PTPRD: variants seen among roughly 807,000 people sequenced by gnomAD.
PTPRD encodes the protein protein tyrosine phosphatase receptor type D, also known as receptor-type tyrosine-protein phosphatase delta.
Under a neutral mutation model 214.5 loss-of-function variants are expected in PTPRD, and 34 were observed. That is an observed-to-expected ratio of 0.16 (90% CI 0.12 to 0.21). The LOEUF (loss-of-function observed/expected upper bound fraction) is 0.21, where lower values mean the gene tolerates loss of function less well. Ranked by LOEUF, PTPRD falls within the 10% of genes least tolerant of loss-of-function variation. PTPRD has a pLI of 1.00. For missense variants in PTPRD, 2,545 were observed against 2,398.7 expected, an observed-to-expected ratio of 1.06 and a Z score of -1.27; for synonymous variants, 1,128 against 845.7, an observed-to-expected ratio of 1.33 and a Z score of -5.79.
At chr9:9,133,241 T>C (rs373109257) in intron 10 of PTPRD, among the ~76,000 whole-genome samples, 11 of 152,312 alleles carry the variant, frequency 7.2e-5, no homozygotes, top group African/African-American at 2.4e-4. Context: ...GGCTGGCAGA[T>C]AGATGGTGAT....
chr9:10,505,426 C>G (rs1421055598), intron 2 of PTPRD, among the ~76,000 whole-genome samples: 1 of 152,160 alleles, frequency 6.6e-6, no homozygotes, highest in Non-Finnish European at 1.5e-5. Flanking sequence ...TGCTGACTGC[C>G]AAACTGCCAA....
rs190124310 is a variant in PTPRD, at chr9:8,896,390, G to A, written c.-104+122307C>T. On this transcript the variant is annotated intron_variant, in intron 11 of 45. Coordinates refer to ENST00000381196, the MANE Select transcript of PTPRD (RefSeq NM_002839.4). The stretch of plus-strand genomic sequence containing the variant: ...GAAGAACAGGACAGACTTGTGGTTT[G>A]TTCATTTGCTGAAACTAATATAGAT... Among the ~76,000 whole-genome samples, 5 of 152,044 alleles carry A rather than the reference G, an allele frequency of 3.3e-5. No individual in the cohort carries two copies. The South Asian group carries it at 1.0e-3, about 32-fold the overall frequency.
At chr9:9,490,389 T>C (rs1175511279) in intron 8 of PTPRD, among the ~76,000 whole-genome samples, 5 of 152,202 alleles carry the variant, frequency 3.3e-5, no homozygotes, top group Non-Finnish European at 5.9e-5. Context: ...AGTTTTTAAT[T>C]GTATTTGTCG....
chr9:8,414,479 G>T (rs2093750489), intron 35 of PTPRD, among the ~76,000 whole-genome samples: 1 of 152,104 alleles, frequency 6.6e-6, no homozygotes, highest in Non-Finnish European at 1.5e-5. Flanking sequence ...TAATACAATA[G>T]TTTTTTTCAT....
At chr9:8,911,962 C>T (rs1253098923) in intron 11 of PTPRD, among the ~76,000 whole-genome samples, 1 of 152,160 alleles carries the variant, frequency 6.6e-6, no homozygotes, top group Non-Finnish European at 1.5e-5. Context: ...CGATACAACC[C>T]TAGTCCCACT....
chr9:9,049,601 G>A lies in PTPRD; in HGVS notation c.-142-30866C>T, dbSNP rs996826556. 2.2e-4 allele frequency among the ~76,000 whole-genome samples: 33 copies of A among 152,016 alleles called. 2 individuals are homozygous for A. Among genetic ancestry groups the A allele is most frequent in the Admixed American group, 2.1e-3 (32 of 15,252 alleles). On this transcript the variant is annotated intron_variant, in intron 10 of 45. Transcript: ENST00000381196. ...TCATTTTTTTTTAGCAAAACGTTCC[G>A]ATGTTTATTTGTAGGTAGTTATGAC...
At chr9:9,521,551 C>A (rs1193707555) in intron 8 of PTPRD, among the ~76,000 whole-genome samples, 1 of 152,126 alleles carries the variant, frequency 6.6e-6, no homozygotes, top group African/African-American at 2.4e-5. Flanking sequence ...CCTAGGAATG[C>A]ACTTTCTCTA....
chr9:8,823,224 C>A lies in PTPRD; in HGVS notation c.-103-89278G>T, dbSNP rs563777847. Among the ~76,000 whole-genome samples, 135 of 152,238 alleles carry A rather than the reference C, an allele frequency of 8.9e-4. 1 individual carries two copies. The highest frequency in any genetic ancestry group is 3.1e-3 in the African/African-American group (130 of 41,548). On this transcript the variant is annotated intron_variant, in intron 11 of 45. Transcript: ENST00000381196. ...AGAAGTTTCACCCCCTTTGCCTGACCTCTAAATGTTCAGTGTTCCACTGAA... is the reference window on the plus strand; with the variant it reads ...AGAAGTTTCACCCCCTTTGCCTGACATCTAAATGTTCAGTGTTCCACTGAA...
At chr9:8,751,769 A>G (rs115291810) in intron 11 of PTPRD, among the ~76,000 whole-genome samples, 1,853 of 152,304 alleles carry the variant, frequency 0.012, 35 homozygotes, top group African/African-American at 0.042. Context: ...GTTTCTTATT[A>G]GTTACCTAAA....
At chr9:8,977,010 A>C (rs2099271676) in intron 11 of PTPRD, among the ~76,000 whole-genome samples, 1 of 152,108 alleles carries the variant, frequency 6.6e-6, no homozygotes, top group Admixed American at 6.6e-5. Flanking sequence ...AGCCATCCAA[A>C]AATGAACTCT....
chr9:8,325,931 C>T (rs991818176), intron 44 of PTPRD, among the ~76,000 whole-genome samples: 1 of 152,166 alleles, frequency 6.6e-6, no homozygotes, highest in Non-Finnish European at 1.5e-5. Flanking sequence ...TATCCTGAGA[C>T]TTTCCTGAAG....
chr9:10,232,508 G>A (rs1048894786), intron 3 of PTPRD, among the ~76,000 whole-genome samples: 1 of 151,898 alleles, frequency 6.6e-6, no homozygotes, highest in Non-Finnish European at 1.5e-5. Flanking sequence ...CTACTAAATC[G>A]ATTTGTATCA....
At chr9:10,180,368 C>T (rs1022209075) in intron 3 of PTPRD, among the ~76,000 whole-genome samples, 1 of 151,902 alleles carries the variant, frequency 6.6e-6, no homozygotes, top group African/African-American at 2.4e-5. Flanking sequence ...TCCCTTTCAT[C>T]ACTGACCTCC....
rs970015331 is a variant in PTPRD, at chr9:8,787,022, G to T, written c.-103-53076C>A. Reference sequence around the variant, plus strand: ...CAGCTAATATTTTCTTTTTTTTGTAGACAGGGTCTCACGATGTTGCCTAGT... The same window carrying T: ...CAGCTAATATTTTCTTTTTTTTGTATACAGGGTCTCACGATGTTGCCTAGT... On this transcript the variant is annotated intron_variant, in intron 11 of 45. Transcript: ENST00000381196. Among the ~76,000 whole-genome samples the T allele has an allele frequency of 2.0e-5, 3 of 152,048 alleles. No individual in the cohort carries two copies. The East Asian group carries it at 5.8e-4, about 29-fold the overall frequency.
chr9:8,525,722 G>A (rs951643864), intron 17 of PTPRD, among the ~76,000 whole-genome samples: 1 of 152,134 alleles, frequency 6.6e-6, no homozygotes, highest in Non-Finnish European at 1.5e-5. Flanking sequence ...TGTGCCACAA[G>A]GAAGAGCCAA....
intron 10 of PTPRD, among the ~76,000 whole-genome samples, chr9:9,128,454 T>C (rs963519206): frequency 2.0e-5 from 3 of 152,186 alleles, no homozygotes; most frequent in African/African-American, 4.8e-5. Context: ...ATACAAAACA[T>C]ATATTCAATT....
At chr9:8,705,326 TCTCCTGC>T (rs1375527906) in intron 12 of PTPRD, among the ~76,000 whole-genome samples, 1 of 152,170 alleles carries the variant, frequency 6.6e-6, no homozygotes, top group Non-Finnish European at 1.5e-5. Flanking sequence ...ATTCTGTGAT[TCTCCTGC>T]CTCAGCCTCC....
chr9:10,167,777 T>C (rs1052853577), intron 3 of PTPRD, among the ~76,000 whole-genome samples: 14 of 152,150 alleles, frequency 9.2e-5, no homozygotes, highest in African/African-American at 3.4e-4. Context: ...TGATAGAAGA[T>C]AAAGGCCAAA....
At chr9:9,871,536 A>AG (rs1438977771) in intron 5 of PTPRD, among the ~76,000 whole-genome samples, 1 of 152,198 alleles carries the variant, frequency 6.6e-6, no homozygotes, top group Non-Finnish European at 1.5e-5. Context: ...AAGGAAGCTC[A>AG]GGGGCAGAGT....
Sources: allele counts gnomAD v4.1 joint callset (sites outside exome capture counted in the v4.1 genomes callset), GRCh38; gene constraint gnomAD v4.1.1; transcripts MANE v1.5; gene names NCBI Gene and HGNC (gene_info 2026-07-23, HGNC 2026-07-21).